The following ATAD2 variants were observed in gnomAD, a reference collection of about 807,000 sequenced individuals.
ATAD2 encodes the protein ATPase family AAA domain-containing protein 2.
A neutral mutation model predicts 168.9 loss-of-function variants in ATAD2; 62 were observed. That is an observed-to-expected ratio of 0.37 (90% CI 0.30 to 0.45). The LOEUF is 0.45. Among genes scored for constraint, ATAD2 ranks in the 20% least tolerant of loss-of-function variants. ATAD2 has a pLI of 1.00. For missense variants in ATAD2, 1,419 were observed against 1,667.8 expected (o/e 0.85, Z 2.60); for synonymous variants, 613 against 571.6 (o/e 1.07, Z -1.03).
rs527796324 is a variant in ATAD2 at position 123,371,112 on chromosome 8, C to G, written c.640-122G>C. 3 of 1,085,880 alleles carry G rather than the reference C, an allele frequency of 2.8e-6. No homozygotes were observed. The South Asian group carries it at 5.1e-5, about 19-fold the overall frequency. The allele number at this position is 1,085,880 out of a possible 1,614,324, so 67.3% of individuals were successfully genotyped here. A position where few individuals can be genotyped will look rare whatever the true frequency, so the allele number is the denominator to read the frequency against. ...CAGCCATAAACTCTTACATTTCCAG[C>G]AGTAACTAATGACTGATCAAATAAA... On this transcript the variant is annotated intron_variant, in intron 5 of 27. Transcript: ENST00000287394.
At chr8:123,363,835 G>A (rs1828889093) in intron 8 of ATAD2, among the ~76,000 whole-genome samples, 1 of 152,104 alleles carries the variant, frequency 6.6e-6, no homozygotes, top group Non-Finnish European at 1.5e-5. Flanking sequence ...TCAATTTACA[G>A]TTAGGGCCAG....
chr8:123,353,965 T>C (rs1828553393), intron 13 of ATAD2, among the ~76,000 whole-genome samples: 1 of 152,090 alleles, frequency 6.6e-6, no homozygotes, highest in African/African-American at 2.4e-5. Flanking sequence ...AAACCCTGTC[T>C]CTACTAAAAA....
At chr8:123,362,768 G>A (rs1315758622) in intron 8 of ATAD2, among the ~76,000 whole-genome samples, 1 of 151,898 alleles carries the variant, frequency 6.6e-6, no homozygotes, top group Non-Finnish European at 1.5e-5. Flanking sequence ...TAAACAAAAG[G>A]GCATCAAGAA....
chr8:123,367,913 G>A (rs1370791273), intron 8 of ATAD2, among the ~76,000 whole-genome samples: 1 of 152,100 alleles, frequency 6.6e-6, no homozygotes, highest in East Asian at 1.9e-4. Flanking sequence ...ATGATCAGAT[G>A]GTCTGTCTCT....
At chr8:123,368,560 T>C (rs1829046781) in intron 8 of ATAD2, among the ~76,000 whole-genome samples, 1 of 152,162 alleles carries the variant, frequency 6.6e-6, no homozygotes, top group African/African-American at 2.4e-5. Flanking sequence ...AAATAAATGT[T>C]TCCTACAACA....
chr8:123,355,556 A>G (rs1008425424), intron 13 of ATAD2, among the ~76,000 whole-genome samples: 3 of 152,222 alleles, frequency 2.0e-5, no homozygotes, highest in African/African-American at 7.2e-5. Context: ...AGATTGGTCT[A>G]GTATTAGAAT....
intron 21 of ATAD2, among the ~76,000 whole-genome samples, chr8:123,337,254 T>C (rs1827945013): frequency 1.3e-5 from 2 of 151,804 alleles, no homozygotes; most frequent in African/African-American, 4.8e-5. Flanking sequence ...TCCCAGCTAC[T>C]TGGGAGGCTG....
At chr8:123,408,797 G>A (rs1449924119) in intron 1 of ATAD2, among the ~76,000 whole-genome samples, 21 of 150,568 alleles carry the variant, frequency 1.4e-4, no homozygotes, top group African/African-American at 4.6e-4. Flanking sequence ...GATTACAGGC[G>A]TGAGCCACCG....
intron 1 of ATAD2, among the ~76,000 whole-genome samples, chr8:123,382,640 A>G (rs1453659247): frequency 6.6e-6 from 1 of 152,216 alleles, no homozygotes; most frequent in Non-Finnish European, 1.5e-5. Flanking sequence ...TTCTAAAACC[A>G]CAATGAGATA....
intron 19 of ATAD2, among the ~76,000 whole-genome samples, chr8:123,343,963 T>C (rs547734960): frequency 1.4e-4 from 22 of 152,346 alleles, no homozygotes; most frequent in Non-Finnish European, 2.6e-4. Flanking sequence ...TTTTGTTCAC[T>C]ATTGGCAGTT....
chr8:123,410,428 G>A (rs902746265), intron 1 of ATAD2, among the ~76,000 whole-genome samples: 6 of 151,930 alleles, frequency 3.9e-5, no homozygotes, highest in African/African-American at 7.2e-5. Context: ...CTGGGATTAC[G>A]GGCATGCGCC....
chr8:123,351,061 G>A (rs1362889180), intron 13 of ATAD2, among the ~76,000 whole-genome samples: 2 of 151,940 alleles, frequency 1.3e-5, no homozygotes, highest in East Asian at 3.9e-4. Context: ...CATGGATGCT[G>A]GCTAAACCAT....
In ATAD2 at chr8:123,345,959, ACT is replaced by A. The variant is rs952616508; in HGVS notation, c.2532+125_2532+126del. 5 of 697,678 alleles carry A rather than the reference ACT, an allele frequency of 7.2e-6. No homozygotes were observed. The African/African-American group carries it at 9.3e-5, about 13-fold the overall frequency. 43.2% of individuals were successfully genotyped at this position (697,678 alleles called of 1,614,324 possible). A position where few individuals can be genotyped will look rare whatever the true frequency, so the allele number is the denominator to read the frequency against. On this transcript the variant is annotated intron_variant, in intron 18 of 27. Transcript: ENST00000287394. Reference sequence around the variant, plus strand: ...TTTAATGACTAAGCAATCATGCATAACTCTGTTTTGTAAACCTAAAGTTACAA... The same window carrying A: ...TTTAATGACTAAGCAATCATGCATAACTGTTTTGTAAACCTAAAGTTACAA...
chr8:123,324,723 T>C (rs528074293), intron 26 of ATAD2, among the ~76,000 whole-genome samples: 35 of 152,364 alleles, frequency 2.3e-4, no homozygotes, highest in African/African-American at 7.9e-4. Context: ...GTTACAGATA[T>C]GGCAAGAAGA....
chr8:123,356,721 C>T (rs912292701), intron 12 of ATAD2, among the ~76,000 whole-genome samples: 3 of 150,634 alleles, frequency 2.0e-5, no homozygotes, highest in African/African-American at 7.3e-5. Context: ...GATCTTGGCT[C>T]AGTGCAACCT....
chr8:123,344,014 T>C (rs916828447), intron 19 of ATAD2, among the ~76,000 whole-genome samples: 26 of 152,220 alleles, frequency 1.7e-4, no homozygotes, highest in African/African-American at 5.5e-4. Flanking sequence ...TTTAATATTG[T>C]TAAAACTTGT....
chr8:123,321,621 GA>G (rs1827470821), intron 27 of ATAD2, among the ~76,000 whole-genome samples: 1 of 151,942 alleles, frequency 6.6e-6, no homozygotes, highest in Non-Finnish European at 1.5e-5. Flanking sequence ...ACTCTCTAGT[GA>G]AATGATCTGT....
intron 19 of ATAD2, among the ~76,000 whole-genome samples, chr8:123,341,576 T>C (rs1315382260): frequency 6.6e-6 from 1 of 151,956 alleles, no homozygotes; most frequent in African/African-American, 2.4e-5. Flanking sequence ...TTCAGGAGAG[T>C]GACAAGAATT....
chr8:123,351,834 G>A (rs946626947), intron 13 of ATAD2, among the ~76,000 whole-genome samples: 2 of 149,892 alleles, frequency 1.3e-5, no homozygotes, highest in South Asian at 2.1e-4. Context: ...TGCAAGCTCC[G>A]CCTCCCGGGT....
Sources: allele counts gnomAD v4.1 joint callset (sites outside exome capture counted in the v4.1 genomes callset), GRCh38; gene constraint gnomAD v4.1.1; transcripts MANE v1.5; gene names NCBI Gene and HGNC (gene_info 2026-07-23, HGNC 2026-07-21).